Variants in BACH2 observed in about 807,000 individuals in gnomAD.
The protein encoded by BACH2 is BACH transcriptional regulator 2.
In BACH2, 5 loss-of-function variants were observed where a neutral mutation model predicts 61.8. That is an observed-to-expected ratio of 0.08 (90% confidence interval 0.04 to 0.17). The LOEUF (loss-of-function observed/expected upper bound fraction) is 0.17. Among genes scored for constraint, BACH2 ranks in the 10% least tolerant of loss-of-function variants. BACH2 has a pLI of 1.00. For synonymous variants in BACH2, 446 were observed against 440.1 expected, an observed-to-expected ratio of 1.01 and a Z score of -0.17; for missense variants, 824 against 1,091.1, an observed-to-expected ratio of 0.76 and a Z score of 3.45.
At chr6:90,052,609 C>A (rs1377710977) in intron 5 of BACH2, among the ~76,000 whole-genome samples, 1 of 152,110 alleles carries the variant, frequency 6.6e-6, no homozygotes, top group Non-Finnish European at 1.5e-5. Context: ...TTAGTAGAGA[C>A]AGGGTTTCGC....
intron 5 of BACH2, among the ~76,000 whole-genome samples, chr6:90,041,105 G>A (rs1310477309): frequency 6.6e-6 from 1 of 152,130 alleles, no homozygotes; most frequent in East Asian, 1.9e-4. Flanking sequence ...TCAGAACAAT[G>A]TTAAAGAAAT....
chr6:90,071,424 G>C (rs1781222876), intron 5 of BACH2, among the ~76,000 whole-genome samples: 1 of 152,258 alleles, frequency 6.6e-6, no homozygotes, highest in Non-Finnish European at 1.5e-5. Flanking sequence ...GAACAAAGAA[G>C]CCTTCTTGGA....
At chr6:90,172,550 G>A (rs529715580) in intron 4 of BACH2, among the ~76,000 whole-genome samples, 2 of 151,688 alleles carry the variant, frequency 1.3e-5, no homozygotes, top group Admixed American at 1.3e-4. Flanking sequence ...TAAAACTGTA[G>A]AAGACCATCA....
At chr6:89,936,041 G>A (rs1773001586) in intron 8 of BACH2, among the ~76,000 whole-genome samples, 1 of 152,246 alleles carries the variant, frequency 6.6e-6, no homozygotes, top group African/African-American at 2.4e-5. Context: ...GAACTGAATA[G>A]TCACAATGTC....
chr6:90,275,727 G>A (rs1771670198), intron 1 of BACH2, among the ~76,000 whole-genome samples: 1 of 152,014 alleles, frequency 6.6e-6, no homozygotes, highest in Non-Finnish European at 1.5e-5. Context: ...TGTAATCCCA[G>A]CACTTTGGGA....
At chr6:90,070,908 G>A (rs1781193241) in intron 5 of BACH2, among the ~76,000 whole-genome samples, 1 of 152,174 alleles carries the variant, frequency 6.6e-6, no homozygotes, top group African/African-American at 2.4e-5. Context: ...GACAGTCTCT[G>A]ACACCCTCTC....
intron 5 of BACH2, among the ~76,000 whole-genome samples, chr6:90,024,192 T>A (rs963335179): frequency 6.6e-6 from 1 of 152,176 alleles, no homozygotes; most frequent in Non-Finnish European, 1.5e-5. Context: ...TAGGAGAATG[T>A]TAACAACTCA....
At chr6:90,196,228 T>C (rs1768753744) in intron 4 of BACH2, among the ~76,000 whole-genome samples, 1 of 152,160 alleles carries the variant, frequency 6.6e-6, no homozygotes, top group African/African-American at 2.4e-5. Context: ...AGGTAGCAAT[T>C]ATTCTTCAGC....
At chr6:89,984,033 CTT>C (rs1193214132) in intron 6 of BACH2, among the ~76,000 whole-genome samples, 1 of 152,190 alleles carries the variant, frequency 6.6e-6, no homozygotes, top group African/African-American at 2.4e-5. Flanking sequence ...GACTTTATCT[CTT>C]TGCTTCTTGC....
intron 3 of BACH2, among the ~76,000 whole-genome samples, chr6:90,210,515 T>G (rs1363177645): frequency 1.3e-5 from 2 of 152,200 alleles, no homozygotes; most frequent in East Asian, 3.8e-4. Context: ...CTGGTTGTTT[T>G]GCAGCCAATT....
chr6:90,280,024 A>T lies in BACH2; in HGVS notation c.-445-8083T>A, dbSNP rs144380940. 9.2e-5 allele frequency among the ~76,000 whole-genome samples: 14 copies of T among 152,298 alleles called. No individual in the cohort carries two copies. The East Asian group carries it at 2.7e-3, about 29-fold the overall frequency. On this transcript the variant is annotated intron_variant, in intron 1 of 8. Transcript: ENST00000257749. ...AACTATTTTACTTGCCTGATCTCAG[A>T]TCTAGAATCTAAAAGATAAAGAGGT...
intron 1 of BACH2, among the ~76,000 whole-genome samples, chr6:90,275,056 A>G (rs1771648251): frequency 6.6e-6 from 1 of 152,212 alleles, no homozygotes; most frequent in African/African-American, 2.4e-5. Context: ...CCGTGACCCC[A>G]CATTGTCCTA....
chr6:90,221,250 T>C (rs1018375904), intron 3 of BACH2, among the ~76,000 whole-genome samples: 7 of 152,218 alleles, frequency 4.6e-5, no homozygotes, highest in Non-Finnish European at 1.0e-4. Flanking sequence ...ACAATATTCA[T>C]GGATTTTTTA....
intron 4 of BACH2, among the ~76,000 whole-genome samples, chr6:90,093,657 T>G (rs1782264738): frequency 6.6e-6 from 1 of 152,168 alleles, no homozygotes; most frequent in African/African-American, 2.4e-5. Flanking sequence ...TTGGACCTAT[T>G]TCAGACTCCA....
intron 7 of BACH2, among the ~76,000 whole-genome samples, chr6:89,947,785 A>C (rs1432705445): frequency 4.6e-5 from 7 of 151,364 alleles, no homozygotes; most frequent in Admixed American, 2.6e-4. Context: ...GTTAGCCAGG[A>C]TGGTCTCGAT....
intron 6 of BACH2, among the ~76,000 whole-genome samples, chr6:89,990,651 C>CCT (rs1295691536): frequency 1.3e-5 from 2 of 151,200 alleles, no homozygotes; most frequent in African/African-American, 4.8e-5. Context: ...ACCCCTCCAA[C>CCT]CTCTGGTCCA....
intron 7 of BACH2, among the ~76,000 whole-genome samples, chr6:89,948,504 G>A (rs538525744): frequency 2.6e-5 from 4 of 152,230 alleles, no homozygotes; most frequent in Admixed American, 2.0e-4. Flanking sequence ...CACCATGCCC[G>A]GCCCCAGGCT....
chr6:89,947,667 G>C (rs1323306677), intron 7 of BACH2, among the ~76,000 whole-genome samples: 1 of 151,652 alleles, frequency 6.6e-6, no homozygotes, highest in Non-Finnish European at 1.5e-5. Context: ...CCGGGCTCAC[G>C]CCATTCTCCT....
At chr6:89,979,216 C>T (rs1775819714) in intron 6 of BACH2, among the ~76,000 whole-genome samples, 1 of 152,246 alleles carries the variant, frequency 6.6e-6, no homozygotes, top group African/African-American at 2.4e-5. Flanking sequence ...GCTTAGTGAT[C>T]TGGTTTCAAT....
Sources: gnomAD v4.1 joint callset for allele counts (sites outside exome capture counted in the v4.1 genomes callset) on GRCh38, gnomAD v4.1.1 for gene constraint, MANE v1.5 for transcripts, NCBI Gene and HGNC (gene_info 2026-07-23, HGNC 2026-07-21) for gene names.